Variants in PCDHA2 observed in about 807,000 individuals in gnomAD.
PCDHA2 encodes the protein protocadherin alpha 2, also known as protocadherin alpha-2.
In PCDHA2, 58 loss-of-function variants were observed where a neutral mutation model predicts 66.0. That is an observed-to-expected ratio of 0.88 (90% CI 0.71 to 1.09). The LOEUF (loss-of-function observed/expected upper bound fraction) is 1.09. Ranked by LOEUF, PCDHA2 falls within the 50% of genes least tolerant of loss-of-function variation. PCDHA2 has a pLI of 0.00. For missense variants in PCDHA2, 1,267 were observed against 1,242.3 expected (o/e 1.02, Z -0.30); for synonymous variants, 634 against 554.0 (o/e 1.14, Z -2.03).
At chr5:140,992,319 T>C (rs1474763849) in intron 3 of PCDHA2, among the ~76,000 whole-genome samples, 1 of 152,174 alleles carries the variant, frequency 6.6e-6, no homozygotes, top group Admixed American at 6.6e-5. Context: ...GGGCATTCCC[T>C]TTTCTAAGAG....
chr5:140,894,293 T>A (rs782004160), intron 1 of PCDHA2, among the ~76,000 whole-genome samples: 1 of 152,100 alleles, frequency 6.6e-6, no homozygotes, highest in Non-Finnish European at 1.5e-5. Context: ...TGAAGTTTAT[T>A]TTCCTGGAAA....
intron 1 of PCDHA2, chr5:140,883,287 T>A: frequency 6.2e-7 from 1 of 1,613,984 alleles, no homozygotes; most frequent in Non-Finnish European, 8.5e-7. Context: ...TTGGTGGAAG[T>A]ACTAGATGTA....
chr5:140,848,364 G>C lies in PCDHA2; in HGVS notation c.2388+51012G>C, dbSNP rs916399183. On this transcript the variant is annotated intron_variant, in intron 1 of 3. Transcript: ENST00000526136. ...AATACAGCCCTTTTCCCATGGGAAA[G>C]AGGCTCAATTCTTTTTCACTCTCTC... 35 of 1,077,596 alleles carry C rather than the reference G, an allele frequency of 3.2e-5. 3 individuals are homozygous for C. Among genetic ancestry groups the C allele is most frequent in the African/African-American group, 4.7e-5 (3 of 63,656 alleles). 66.8% of individuals were successfully genotyped at this position (1,077,596 alleles called of 1,614,324 possible). A position where few individuals can be genotyped will look rare whatever the true frequency, so the allele number is the denominator to read the frequency against.
At chr5:141,006,978 T>C (rs2098297277) in intron 3 of PCDHA2, among the ~76,000 whole-genome samples, 1 of 152,090 alleles carries the variant, frequency 6.6e-6, no homozygotes, top group African/African-American at 2.4e-5. Context: ...CACAGAGAGA[T>C]GTGGGCTTAA....
intron 1 of PCDHA2, chr5:140,807,680 A>G (rs575783501): frequency 6.2e-7 from 1 of 1,614,200 alleles, no homozygotes; most frequent in Admixed American, 1.7e-5. Flanking sequence ...TATCGGGGAG[A>G]ACGCCCTGCT....
chr5:140,868,272 A>C (rs1050467999), intron 1 of PCDHA2: 1 of 152,090 alleles, frequency 6.6e-6, no homozygotes, highest in Non-Finnish European at 1.5e-5. Context: ...CTTTTTTAAA[A>C]CTACCAAGTT....
In PCDHA2 at chr5:140,823,940, G is replaced by C. The variant is rs2150130604; in HGVS notation, c.2388+26588G>C. The C allele has an allele frequency of 2.5e-5, 40 of 1,613,848 alleles. No individual in the cohort carries two copies. The highest frequency in any genetic ancestry group is 3.2e-5 in the Non-Finnish European group (38 of 1,179,972). Reference sequence around the variant, plus strand: ...CTGCTGCTGTACACCGCGCTGCGGTGCTCGGCGCAGCCCACCGAGGCCGTG... The same window carrying C: ...CTGCTGCTGTACACCGCGCTGCGGTCCTCGGCGCAGCCCACCGAGGCCGTG... On this transcript the variant is annotated intron_variant, in intron 1 of 3. Transcript: ENST00000526136.
chr5:140,794,961 G>A lies in PCDHA2; in HGVS notation c.-4G>A, dbSNP rs781968540. 3 of 1,603,984 alleles carry A rather than the reference G, an allele frequency of 1.9e-6. No individual in the cohort carries two copies. Among genetic ancestry groups the A allele is most frequent in the Non-Finnish European group, 2.6e-6 (3 of 1,175,702 alleles). ...TAATTTGATCAAAACATTGAGGATT[G>A]GTAATGGCGTCTTCTATCAGAAGGG... On this transcript the variant is annotated 5_prime_UTR_variant, in exon 1 of 4. Coordinates refer to ENST00000526136, the MANE Select transcript of PCDHA2 (RefSeq NM_018905.3).
chr5:140,796,740 GA>G lies in PCDHA2; in HGVS notation c.1778del (p.Lys593ArgfsTer45). The G allele has an allele frequency of 6.2e-7, 1 of 1,614,134 alleles. No individual in the cohort carries two copies. Among genetic ancestry groups the G allele is most frequent in the Admixed American group, 1.7e-5 (1 of 60,030 alleles). ...CGGTGGGTGCAGGGCACGTGGTGGC[GA>G]AGGTGCGCGCAGTGGACGCTGACTC... ...WSVGAGHVVA[K>X]VRAVDADSGY... On this transcript the variant is annotated frameshift_variant, in exon 1 of 4. Coordinates refer to ENST00000526136, the MANE Select transcript of PCDHA2 (RefSeq NM_018905.3). LOFTEE classifies it high-confidence loss of function.
intron 1 of PCDHA2, chr5:140,857,784 T>A (rs782611887): frequency 6.3e-7 from 1 of 1,597,680 alleles, no homozygotes; most frequent in South Asian, 1.1e-5. Flanking sequence ...GTCAGTGAGC[T>A]GGTGCTGCGG....
At chr5:140,871,043 T>A (rs763700203) in intron 1 of PCDHA2, 1 of 1,613,370 alleles carries the variant, frequency 6.2e-7, no homozygotes, top group Non-Finnish European at 8.5e-7. Context: ...CACCGACTTC[T>A]AGTACTGGTG....
At chr5:140,905,928 A>G (rs2072211023) in intron 1 of PCDHA2, among the ~76,000 whole-genome samples, 1 of 152,238 alleles carries the variant, frequency 6.6e-6, no homozygotes, top group Admixed American at 6.5e-5. Context: ...TGAGTCCCAA[A>G]GCTGAAGAAC....
At chr5:140,807,563 A>C (rs200997832) in intron 1 of PCDHA2, 44 of 1,614,076 alleles carry the variant, frequency 2.7e-5, no homozygotes, top group Non-Finnish European at 3.6e-5. Context: ...GGTGAGGGAC[A>C]TTAACGATAA....
chr5:140,977,876 G>A (rs1425308379), intron 1 of PCDHA2, among the ~76,000 whole-genome samples: 3 of 152,190 alleles, frequency 2.0e-5, no homozygotes, highest in Non-Finnish European at 2.9e-5. Flanking sequence ...TAAGTATAAT[G>A]TAGAGGAAAA....
At chr5:140,825,328 G>A (rs1768508165) in intron 1 of PCDHA2, 1 of 145,220 alleles carries the variant, frequency 6.9e-6, no homozygotes, top group Admixed American at 6.9e-5. Context: ...CTGGAAATTT[G>A]CATATTTTTC....
At chr5:140,944,241 G>A (rs2093630107) in intron 1 of PCDHA2, among the ~76,000 whole-genome samples, 1 of 152,196 alleles carries the variant, frequency 6.6e-6, no homozygotes, top group African/African-American at 2.4e-5. Context: ...AGGCTGGAGT[G>A]CAGTGATGTG....
At chr5:140,892,405 T>C (rs1224393895) in intron 1 of PCDHA2, among the ~76,000 whole-genome samples, 2 of 152,206 alleles carry the variant, frequency 1.3e-5, no homozygotes, top group African/African-American at 2.4e-5. Context: ...ATTTCAAGCT[T>C]CAGGTATTCT....
chr5:140,918,429 G>A (rs2078693094), intron 1 of PCDHA2, among the ~76,000 whole-genome samples: 1 of 152,164 alleles, frequency 6.6e-6, no homozygotes, highest in Non-Finnish European at 1.5e-5. Flanking sequence ...GTAGGATGTT[G>A]AATAGGAGTG....
chr5:140,979,411 T>C (rs1422593406), intron 2 of PCDHA2, among the ~76,000 whole-genome samples: 1 of 152,204 alleles, frequency 6.6e-6, no homozygotes, highest in Non-Finnish European at 1.5e-5. Flanking sequence ...CTACCTTGTT[T>C]TTTTTTTAAT....
Sources: gnomAD v4.1 joint callset for allele counts (sites outside exome capture counted in the v4.1 genomes callset) on GRCh38, gnomAD v4.1.1 for gene constraint, MANE v1.5 for transcripts, NCBI Gene and HGNC (gene_info 2026-07-23, HGNC 2026-07-21) for gene names.